DRC11: variants seen among roughly 807,000 people sequenced by gnomAD.
DRC11 encodes the protein IQ and AAA domain-containing protein 1.
At chr2:236,470,550 C>G in the DRC11 span, among the ~76,000 whole-genome samples, 2,924 of 152,262 alleles carry the variant, frequency 0.019, 93 homozygotes, top group African/African-American at 0.066. The surrounding 1 kb of genome is among the most constrained non-coding windows in gnomAD (Gnocchi z 5.1). Flanking sequence ...GCGGAATGCA[C>G]CGCTCCTCAG....
chr2:236,392,154 T>C, the DRC11 span: 1 of 1,513,522 alleles, frequency 6.6e-7, no homozygotes, highest in Non-Finnish European at 9.2e-7. The surrounding 1 kb of genome is among the most constrained non-coding windows in gnomAD (Gnocchi z 5.1). Flanking sequence ...TCCCTTAAAT[T>C]ATGGGGTAGG....
the DRC11 span, among the ~76,000 whole-genome samples, chr2:236,348,512 A>G: frequency 2.4e-4 from 36 of 152,300 alleles, no homozygotes; most frequent in African/African-American, 8.4e-4. This position sits in a 1 kb window ranked among gnomAD's most constrained non-coding sequence, Gnocchi z 7.4. Context: ...AGTTGGAGAA[A>G]AGAGACCCCT....
At chr2:236,363,879 G>A in the DRC11 span, 76 of 1,613,774 alleles carry the variant, frequency 4.7e-5, no homozygotes, top group African/African-American at 4.8e-4. The surrounding 1 kb of genome is among the most constrained non-coding windows in gnomAD (Gnocchi z 5.6). Flanking sequence ...CTCCCGTTTC[G>A]GTGCAGATGG....
chr2:236,440,655 A>C, the DRC11 span, among the ~76,000 whole-genome samples: 1 of 152,158 alleles, frequency 6.6e-6, no homozygotes, highest in Admixed American at 6.5e-5. Flanking sequence ...GGCACACCCA[A>C]AGGAGCAGTG....
At chr2:236,356,970 TATATATTC>T in the DRC11 span, among the ~76,000 whole-genome samples, 7 of 81,608 alleles carry the variant, frequency 8.6e-5, no homozygotes, top group African/African-American at 2.8e-4. Flanking sequence ...ATATATATAT[TATATATTC>T]ATATATTATA....
chr2:236,407,824 G>A, the DRC11 span: 1 of 298,270 alleles, frequency 3.4e-6, no homozygotes, highest in South Asian at 3.3e-5. Context: ...GACCTCAGCA[G>A]CTGCAAAATC....
the DRC11 span, among the ~76,000 whole-genome samples, chr2:236,412,071 T>A: frequency 1.3e-5 from 2 of 151,378 alleles, no homozygotes. Flanking sequence ...AAAAAAAAAT[T>A]GTTTGTAGGG....
At chr2:236,356,959 AAT>A in the DRC11 span, among the ~76,000 whole-genome samples, 82 of 110,318 alleles carry the variant, frequency 7.4e-4, 7 homozygotes, top group African/African-American at 2.4e-3. Context: ...ATATATCATA[AAT>A]ATATATATTA....
chr2:236,450,452 T>C, the DRC11 span, among the ~76,000 whole-genome samples: 3 of 151,512 alleles, frequency 2.0e-5, no homozygotes, highest in East Asian at 5.9e-4. Flanking sequence ...CCCGAGTACC[T>C]GGGACTACAG....
the DRC11 span, among the ~76,000 whole-genome samples, chr2:236,410,577 C>T: frequency 9.3e-5 from 14 of 149,738 alleles, no homozygotes; most frequent in South Asian, 2.1e-4. Context: ...AAAAAGAGCC[C>T]GCATCGCCAA....
the DRC11 span, among the ~76,000 whole-genome samples, chr2:236,389,368 A>G: frequency 4.6e-5 from 7 of 152,076 alleles, no homozygotes; most frequent in Non-Finnish European, 5.9e-5. Flanking sequence ...CTCGTGGTGC[A>G]CCGTTTTTTA....
chr2:236,388,335 A>C, the DRC11 span, among the ~76,000 whole-genome samples: 236 of 147,392 alleles, frequency 1.6e-3, no homozygotes, highest in African/African-American at 5.8e-3. Context: ...ACATAGTCCC[A>C]TATTTCTTGG....
the DRC11 span, among the ~76,000 whole-genome samples, chr2:236,345,806 C>T: frequency 1.3e-5 from 2 of 152,218 alleles, no homozygotes; most frequent in Admixed American, 6.5e-5. Context: ...GTGAATACAG[C>T]GTTATGTACT....
the DRC11 span, among the ~76,000 whole-genome samples, chr2:236,504,650 C>T: frequency 3.9e-5 from 6 of 152,208 alleles, no homozygotes; most frequent in African/African-American, 7.2e-5. This position sits in a 1 kb window ranked among gnomAD's most constrained non-coding sequence, Gnocchi z 5.0. Flanking sequence ...GGCTGTGTCC[C>T]GACCCAAATC....
chr2:236,322,552 C>T, the DRC11 span, among the ~76,000 whole-genome samples: 5 of 152,052 alleles, frequency 3.3e-5, no homozygotes, highest in Non-Finnish European at 5.9e-5. Context: ...GGCCTCTTTC[C>T]TCTTTCTTGA....
chr2:236,459,051 C>CA, the DRC11 span, among the ~76,000 whole-genome samples: 20 of 151,280 alleles, frequency 1.3e-4, no homozygotes, highest in Non-Finnish European at 1.5e-5. Flanking sequence ...GCTCAAAAAA[C>CA]AAAAAAAGGC....
chr2:236,314,868 T>C, the DRC11 span, among the ~76,000 whole-genome samples: 2,221 of 152,306 alleles, frequency 0.015, 86 homozygotes, highest in East Asian at 0.13. The surrounding 1 kb of genome is among the most constrained non-coding windows in gnomAD (Gnocchi z 4.5). Flanking sequence ...AAGATGTCTG[T>C]TCTTCTCAAA....
At chr2:236,490,613 C>T in the DRC11 span, among the ~76,000 whole-genome samples, 20 of 152,096 alleles carry the variant, frequency 1.3e-4, no homozygotes, top group East Asian at 9.7e-4. The surrounding 1 kb of genome is among the most constrained non-coding windows in gnomAD (Gnocchi z 5.5). Flanking sequence ...CTTTAGATTC[C>T]GGGCTGTCAT....
chr2:236,477,789 T>C, the DRC11 span, among the ~76,000 whole-genome samples: 16 of 152,160 alleles, frequency 1.1e-4, no homozygotes, highest in African/African-American at 3.9e-4. Context: ...CAGAAATTTA[T>C]CTGTTTCTTA....
Sources: gnomAD v4.1 joint callset for allele counts (sites outside exome capture counted in the v4.1 genomes callset) on GRCh38, gnomAD v4.1.1 for gene constraint, Gnocchi (gnomAD v3.1) non-coding constraint, MANE v1.5 for transcripts, NCBI Gene and HGNC (gene_info 2026-07-23, HGNC 2026-07-21) for gene names.